Variants in HTR7 observed in about 807,000 individuals in gnomAD.
The protein encoded by HTR7 is 5-hydroxytryptamine receptor 7, also known as 5-HT-7.
Under a neutral mutation model 34.0 loss-of-function variants are expected in HTR7, and 16 were observed. The observed-to-expected ratio is 0.47, with a 90% CI of 0.32 to 0.71. HTR7 has a LOEUF of 0.71. Ranked by LOEUF, HTR7 falls within the 30% of genes least tolerant of loss-of-function variation. HTR7 has a pLI of 0.04. For synonymous variants in HTR7, 265 were observed against 260.2 expected, an observed-to-expected ratio of 1.02 and a Z score of -0.18; for missense variants, 504 against 625.5, an observed-to-expected ratio of 0.81 and a Z score of 2.07.
chr10:90,803,787 T>C (rs969717067), intron 1 of HTR7, among the ~76,000 whole-genome samples: 1 of 152,156 alleles, frequency 6.6e-6, no homozygotes, highest in Non-Finnish European at 1.5e-5. Flanking sequence ...GGAGATACTT[T>C]GTGTGTTCTT....
chr10:90,754,240 TAAGTTTATACAAAAGAAA>T (rs1844793180), intron 1 of HTR7, among the ~76,000 whole-genome samples: 1 of 152,094 alleles, frequency 6.6e-6, no homozygotes, highest in African/African-American at 2.4e-5. Flanking sequence ...AATACATTCA[TAAGTTTATACAAAAGAAA>T]AAGAACTCAT....
intron 1 of HTR7, among the ~76,000 whole-genome samples, chr10:90,758,035 G>C (rs866323981): frequency 2.6e-5 from 4 of 152,232 alleles, no homozygotes; most frequent in Middle Eastern, 3.4e-3. Context: ...GAATGAGCAG[G>C]AGCTGAGAAT....
intron 1 of HTR7, among the ~76,000 whole-genome samples, chr10:90,789,830 T>G (rs1845437901): frequency 6.6e-6 from 1 of 152,162 alleles, no homozygotes; most frequent in African/African-American, 2.4e-5. Flanking sequence ...CTGGGTGACC[T>G]TGAACATATT....
intron 1 of HTR7, among the ~76,000 whole-genome samples, chr10:90,850,057 C>A (rs1846474862): frequency 6.6e-6 from 1 of 152,188 alleles, no homozygotes; most frequent in African/African-American, 2.4e-5. Context: ...GGCAAAAACA[C>A]CAGAAGAGCA....
intron 1 of HTR7, among the ~76,000 whole-genome samples, chr10:90,841,203 T>C (rs1345438964): frequency 6.6e-6 from 1 of 152,232 alleles, no homozygotes; most frequent in Non-Finnish European, 1.5e-5. Context: ...GGACACTTAG[T>C]ATCTTGAGTA....
At chr10:90,852,159 G>C (rs1846510139) in intron 1 of HTR7, among the ~76,000 whole-genome samples, 1 of 149,634 alleles carries the variant, frequency 6.7e-6, no homozygotes. Flanking sequence ...GGGAGTTCAA[G>C]ACCAGCCTGG....
At chr10:90,847,492 A>T (rs1846428037) in intron 1 of HTR7, among the ~76,000 whole-genome samples, 1 of 152,174 alleles carries the variant, frequency 6.6e-6, no homozygotes, top group Non-Finnish European at 1.5e-5. Context: ...GCAGAAAATT[A>T]ATTTTAGAGA....
At chr10:90,791,726 G>A (rs566864038) in intron 1 of HTR7, among the ~76,000 whole-genome samples, 2 of 152,146 alleles carry the variant, frequency 1.3e-5, no homozygotes, top group South Asian at 2.1e-4. Flanking sequence ...ATTTCACTTG[G>A]ATACGATTAC....
chr10:90,797,830 C>T (rs1845564511), intron 1 of HTR7, among the ~76,000 whole-genome samples: 1 of 152,140 alleles, frequency 6.6e-6, no homozygotes, highest in Non-Finnish European at 1.5e-5. Context: ...AAAGAAAATA[C>T]ATTTATTTCT....
At chr10:90,828,744 T>G (rs1350801035) in intron 1 of HTR7, among the ~76,000 whole-genome samples, 4 of 152,142 alleles carry the variant, frequency 2.6e-5, no homozygotes, top group African/African-American at 9.7e-5. Context: ...ATGGCTTCAC[T>G]GCTTCATTTC....
chr10:90,764,258 T>C (rs1844983641), intron 1 of HTR7, among the ~76,000 whole-genome samples: 1 of 152,224 alleles, frequency 6.6e-6, no homozygotes, highest in Non-Finnish European at 1.5e-5. Flanking sequence ...AATGTCTTCT[T>C]TTGAGAAGTA....
chr10:90,809,200 C>T (rs12784014), intron 1 of HTR7, among the ~76,000 whole-genome samples: 41,688 of 151,810 alleles, frequency 0.27, 6,215 homozygotes, highest in African/African-American at 0.4. Context: ...GACACCCGGT[C>T]TGGCTTACAG....
chr10:90,798,485 A>G (rs1259580005), intron 1 of HTR7, among the ~76,000 whole-genome samples: 2 of 152,064 alleles, frequency 1.3e-5, no homozygotes, highest in Admixed American at 1.3e-4. Context: ...GAGGCCAAGG[A>G]GGGAGGATCA....
intron 1 of HTR7, among the ~76,000 whole-genome samples, chr10:90,767,060 A>T (rs1207778902): frequency 6.6e-6 from 1 of 152,094 alleles, no homozygotes; most frequent in Non-Finnish European, 1.5e-5. Flanking sequence ...GCTGGACTCT[A>T]CCCACAAGCT....
At chr10:90,758,511 A>G (rs901548548) in intron 1 of HTR7, among the ~76,000 whole-genome samples, 1 of 152,066 alleles carries the variant, frequency 6.6e-6, no homozygotes, top group African/African-American at 2.4e-5. Context: ...ACACACAAAG[A>G]TAAGACATAA....
rs546550103 is a variant in HTR7 at position 90,830,822 on chromosome 10, T to C, written c.539+26311A>G. Among the ~76,000 whole-genome samples the C allele has an allele frequency of 9.5e-5, 14 of 148,062 alleles. No homozygotes were observed. The South Asian group carries it at 3.0e-3, about 32-fold the overall frequency. ...AAAAAAAAAAGGCAAGCAAACAAGC[T>C]TTGGCCCAGTTACGATGCTCCACAA... On this transcript the variant is annotated intron_variant, in intron 1 of 3. Transcript: ENST00000336152.
chr10:90,830,476 A>G (rs10881838), intron 1 of HTR7, among the ~76,000 whole-genome samples: 57,598 of 151,996 alleles, frequency 0.38, 11,995 homozygotes, highest in African/African-American at 0.57. Context: ...CAATAACGTG[A>G]GCAAAAGTCA....
chr10:90,831,263 C>T (rs535400571), intron 1 of HTR7, among the ~76,000 whole-genome samples: 3 of 152,098 alleles, frequency 2.0e-5, no homozygotes, highest in Non-Finnish European at 4.4e-5. Flanking sequence ...GCAGCGTGTC[C>T]GGAGTTTGTT....
At chr10:90,810,381 A>C (rs968207651) in intron 1 of HTR7, among the ~76,000 whole-genome samples, 2 of 151,882 alleles carry the variant, frequency 1.3e-5, no homozygotes, top group East Asian at 1.9e-4. Context: ...ATCTCATTAA[A>C]ATCTAATCAC....
Sources: gnomAD v4.1 joint callset for allele counts (sites outside exome capture counted in the v4.1 genomes callset) on GRCh38, gnomAD v4.1.1 for gene constraint, MANE v1.5 for transcripts, NCBI Gene and HGNC (gene_info 2026-07-23, HGNC 2026-07-21) for gene names.